The following TRAPPC10 variants were observed in gnomAD, a reference collection of about 807,000 sequenced individuals.
TRAPPC10 encodes the protein trafficking protein particle complex subunit 10, also known as TRAPP 130 kDa subunit.
A neutral mutation model predicts 125.5 loss-of-function variants in TRAPPC10; 23 were observed. The ratio of observed to expected loss-of-function variants is 0.18; its 90% confidence interval spans 0.13 to 0.26. The LOEUF (loss-of-function observed/expected upper bound fraction) is 0.26. Ranked by LOEUF, TRAPPC10 falls within the 10% of genes least tolerant of loss-of-function variation. TRAPPC10 has a pLI of 1.00. For missense variants in TRAPPC10, 1,123 were observed against 1,308.4 expected (o/e 0.86, Z 2.19); for synonymous variants, 509 against 518.0 (o/e 0.98, Z 0.24).
At chr21:44,090,018 G>A (rs1014503587) in intron 18 of TRAPPC10, 85 bp downstream of exon 18, 5 of 1,037,648 alleles carry the variant, frequency 4.8e-6, no homozygotes, top group Non-Finnish European at 5.9e-6. Flanking sequence ...ACTGGCCTTC[G>A]TGGTGACCAA....
intron 4 of TRAPPC10, among the ~76,000 whole-genome samples, chr21:44,053,997 C>G (rs1374111039): frequency 2.6e-5 from 4 of 152,132 alleles, no homozygotes; most frequent in African/African-American, 9.7e-5. Context: ...CCTCTGAAAA[C>G]AGTTACTGTT....
intron 1 of TRAPPC10, among the ~76,000 whole-genome samples, chr21:44,022,450 A>ATTTTTTTT (rs71197876): frequency 2.3e-4 from 22 of 96,954 alleles, no homozygotes; most frequent in African/African-American, 8.6e-4. Context: ...TGCCCAGCTA[A>ATTTTTTTT]TTTTTTTTTT....
In TRAPPC10 at chr21:44,084,166, G is replaced by T; in HGVS notation, c.2283G>T (p.Ser761=). ...GTYTLRQLCA[S]VGSVWFVLPH... ...ATACACTCAGGCAGCTGTGCGCCTC[G>T]GTGGGCTCCGTGTGGTTCGTCCTCC... Residue 761 remains serine, a synonymous_variant, in exon 15 of 23, where the codon TCG becomes TCT. Coordinates refer to ENST00000291574, the MANE Select transcript of TRAPPC10 (RefSeq NM_003274.5). 7.4e-6 allele frequency: 12 copies of T among 1,614,156 alleles called. No homozygotes were observed. Among genetic ancestry groups the T allele is most frequent in the Non-Finnish European group, 1.0e-5 (12 of 1,180,040 alleles).
chr21:44,094,269 A>C, intron 20 of TRAPPC10, 36 bp downstream of exon 20: 1 of 1,560,724 alleles, frequency 6.4e-7, no homozygotes, highest in Non-Finnish European at 8.8e-7. Flanking sequence ...GTGGGGGTGA[A>C]AAAATGAAAG....
At chr21:44,070,090 T>C (rs1055540124) in intron 7 of TRAPPC10, among the ~76,000 whole-genome samples, 5 of 152,084 alleles carry the variant, frequency 3.3e-5, no homozygotes, top group African/African-American at 1.2e-4. Flanking sequence ...GTGGAGGGGC[T>C]GGTGACTGGC....
At chr21:44,051,665 C>G (rs984572458) in intron 3 of TRAPPC10, among the ~76,000 whole-genome samples, 1 of 152,240 alleles carries the variant, frequency 6.6e-6, no homozygotes, top group Non-Finnish European at 1.5e-5. Context: ...GGAAGTAGAG[C>G]AGCCTTGCGG....
intron 11 of TRAPPC10, among the ~76,000 whole-genome samples, chr21:44,078,481 A>C (rs1486928055): frequency 6.6e-6 from 1 of 152,120 alleles, no homozygotes; most frequent in Non-Finnish European, 1.5e-5. Context: ...GAGATCTTGA[A>C]ATCTGTACTC....
intron 13 of TRAPPC10, among the ~76,000 whole-genome samples, chr21:44,081,791 A>T (rs541350623): frequency 6.6e-6 from 1 of 152,224 alleles, no homozygotes; most frequent in African/African-American, 2.4e-5. Flanking sequence ...AGGTAGGAGG[A>T]TCGCTTGAGC....
intron 1 of TRAPPC10, among the ~76,000 whole-genome samples, chr21:44,024,392 G>A (rs2032858975): frequency 6.6e-6 from 1 of 152,170 alleles, no homozygotes; most frequent in Non-Finnish European, 1.5e-5. Flanking sequence ...ATGCCCAGGT[G>A]GTGCTGATGC....
intron 3 of TRAPPC10, among the ~76,000 whole-genome samples, chr21:44,048,760 C>CTGAG (rs2035032029): frequency 1.3e-5 from 2 of 149,600 alleles, no homozygotes; most frequent in Admixed American, 1.3e-4. Context: ...TCCCAAAGTG[C>CTGAG]TGAGATTACA....
rs932818864 is a variant in TRAPPC10, at chr21:44,082,480, T to C, written c.1724-308T>C. Among the ~76,000 whole-genome samples the C allele has an allele frequency of 6.6e-6, 1 of 152,232 alleles. No individual in the cohort carries two copies. Among genetic ancestry groups the C allele is most frequent in the Non-Finnish European group, 1.5e-5 (1 of 68,040 alleles). On this transcript the variant is annotated intron_variant, in intron 13 of 22. Transcript: ENST00000291574. The surrounding 1 kb of genome is among the most constrained non-coding windows in gnomAD (Gnocchi z 4.4). ...CTGTAGAAATTGGACTATTTACAAA[T>C]TGTCGTTTGAAATTGAGAGGTAGTT...
chr21:44,086,878 C>G lies in TRAPPC10; in HGVS notation c.2457C>G (p.Asp819Glu). The G allele has an allele frequency of 6.2e-7, 1 of 1,614,218 alleles. No individual in the cohort carries two copies. The highest frequency in any genetic ancestry group is 8.5e-7 in the Non-Finnish European group (1 of 1,180,046). The change falls in exon 16 of 23, where the codon GAC becomes GAG. Residue 819 changes from aspartate (D) to glutamate (E), a missense_variant. Physicochemically the swap from Asp to Glu is conservative, Grantham distance 45. Transcript: ENST00000291574. ...TTGHYTIKNGDSLQLSNAEAM... is the reference protein window; with the variant it reads ...TTGHYTIKNGESLQLSNAEAM... ...GCCATTATACGATAAAGAATGGAGA[C>G]AGCCTGCAGCTTAGCAATGCCGAAG...
At chr21:44,056,642 C>A (rs369711557) in intron 5 of TRAPPC10, among the ~76,000 whole-genome samples, 4 of 152,282 alleles carry the variant, frequency 2.6e-5, no homozygotes, top group African/African-American at 9.6e-5. Context: ...CAAATGAACC[C>A]ACGTAAAGGG....
chr21:44,016,907 A>G lies in TRAPPC10; in HGVS notation c.67+4347A>G, dbSNP rs528776645. Among the ~76,000 whole-genome samples, 701 of 152,254 alleles carry G rather than the reference A, an allele frequency of 4.6e-3. 4 individuals carry two copies. The highest frequency in any genetic ancestry group is 7.1e-3 in the Non-Finnish European group (484 of 68,000). ...TCTGACCTTGTGATCTGCCCGCCTC[A>G]GCCTCCCAAAGTGCTGGGATTATAG... is the stretch of plus-strand genomic sequence containing the variant. On this transcript the variant is annotated intron_variant, in intron 1 of 22. Coordinates refer to ENST00000291574, the MANE Select transcript of TRAPPC10 (RefSeq NM_003274.5).
rs574099029 is a variant in TRAPPC10, at chr21:44,048,500, G to C, written c.286-3780G>C. ...TGTTTTGGTTTTTGTTTGTTTGTTT[G>C]TTGTTGTTTTTGAGACAGAGTCTTG... On this transcript the variant is annotated intron_variant, in intron 3 of 22. Coordinates refer to ENST00000291574, the MANE Select transcript of TRAPPC10 (RefSeq NM_003274.5). 3.3e-5 allele frequency among the ~76,000 whole-genome samples: 5 copies of C among 152,086 alleles called. 1 individual carries two copies. The highest frequency in any genetic ancestry group is 1.2e-4 in the African/African-American group (5 of 41,408).
intron 6 of TRAPPC10, among the ~76,000 whole-genome samples, chr21:44,060,949 T>C (rs1199042165): frequency 9.2e-6 from 1 of 108,400 alleles, no homozygotes; most frequent in Non-Finnish European, 1.8e-5. Context: ...CACACACACT[T>C]TTTTTTTGAG....
intron 7 of TRAPPC10, among the ~76,000 whole-genome samples, chr21:44,067,672 C>G (rs1288988151): frequency 6.6e-6 from 1 of 152,130 alleles, no homozygotes; most frequent in Non-Finnish European, 1.5e-5. Context: ...AGCACAGTGT[C>G]CAAGTAGTGA....
intron 1 of TRAPPC10, among the ~76,000 whole-genome samples, chr21:44,027,261 A>G (rs2033156157): frequency 1.3e-5 from 2 of 152,218 alleles, no homozygotes; most frequent in South Asian, 4.1e-4. Flanking sequence ...TAGGAAAGCG[A>G]CAAACTGACT....
chr21:44,045,655 G>A (rs568961828), intron 3 of TRAPPC10, among the ~76,000 whole-genome samples: 65 of 151,906 alleles, frequency 4.3e-4, no homozygotes, highest in African/African-American at 1.3e-3. Flanking sequence ...GGGTTCAAGC[G>A]ATTCTCCTGC....
Sources: allele counts gnomAD v4.1 joint callset (sites outside exome capture counted in the v4.1 genomes callset), GRCh38; gene constraint gnomAD v4.1.1; non-coding constraint Gnocchi (gnomAD v3.1); transcripts MANE v1.5; gene names NCBI Gene and HGNC (gene_info 2026-07-23, HGNC 2026-07-21).